Variants in SDK2 observed in about 807,000 individuals in gnomAD.
The protein encoded by SDK2 is protein sidekick-2.
A neutral mutation model predicts 253.9 loss-of-function variants in SDK2; 105 were observed. The ratio of observed to expected loss-of-function variants is 0.41; its 90% CI spans 0.35 to 0.49. SDK2 has a LOEUF of 0.49. SDK2 is among the 20% of genes least tolerant of loss of function. The pLI is 0.06. For synonymous variants in SDK2, 1,249 were observed against 1,234.9 expected, an observed-to-expected ratio of 1.01 and a Z score of -0.24; for missense variants, 2,608 against 3,003.0, an observed-to-expected ratio of 0.87 and a Z score of 3.07.
chr17:73,375,796 C>T (rs139377334), intron 36 of SDK2, among the ~76,000 whole-genome samples: 3,914 of 151,112 alleles, frequency 0.026, 78 homozygotes, highest in East Asian at 0.092. Context: ...GCAGAGGTTG[C>T]AGTGAGCCAA....
intron 1 of SDK2, among the ~76,000 whole-genome samples, chr17:73,566,291 A>ATT (rs1310899425): frequency 2.7e-5 from 4 of 150,646 alleles, no homozygotes; most frequent in African/African-American, 9.8e-5. Flanking sequence ...CTCCAGAACT[A>ATT]TAAGCCAAAT....
intron 5 of SDK2, among the ~76,000 whole-genome samples, chr17:73,441,614 G>A (rs566926000): frequency 1.4e-4 from 22 of 152,278 alleles, no homozygotes; most frequent in African/African-American, 3.1e-4. Flanking sequence ...GGCCACCACC[G>A]GAAGCCAGGA....
rs2145357335 is a variant in SDK2, at chr17:73,337,207, C to G, written c.*1380G>C. 1 of 152,476 alleles carries G rather than the reference C, an allele frequency of 6.6e-6. No individual in the cohort carries two copies. The highest frequency in any genetic ancestry group is 1.9e-4 in the East Asian group (1 of 5,170). 9.4% of individuals were successfully genotyped at this position (152,476 alleles called of 1,614,324 possible). The stretch of plus-strand genomic sequence containing the variant: ...CTTCCTGACCTGCCCCTTCCCCTCC[C>G]CGCCCTGGCCAGGCGGAGCCCAGCC... On this transcript the variant is annotated 3_prime_UTR_variant, in exon 45 of 45. Transcript: ENST00000392650.
intron 3 of SDK2, among the ~76,000 whole-genome samples, chr17:73,466,715 G>T (rs1872084): frequency 9.3e-6 from 1 of 107,024 alleles, no homozygotes; most frequent in African/African-American, 4.7e-5. Context: ...TCTGGGGAAC[G>T]CCCCCCCCCC....
intron 8 of SDK2, among the ~76,000 whole-genome samples, chr17:73,436,001 A>G (rs1842971273): frequency 6.6e-6 from 1 of 151,996 alleles, no homozygotes; most frequent in Admixed American, 6.5e-5. Context: ...CGTTCCTCCC[A>G]CCTCAGCCTC....
intron 1 of SDK2, among the ~76,000 whole-genome samples, chr17:73,530,334 G>A (rs1460998799): frequency 1.3e-5 from 2 of 151,974 alleles, no homozygotes; most frequent in Non-Finnish European, 2.9e-5. Flanking sequence ...ATGGTAGCAG[G>A]AGAGAGAGAG....
chr17:73,578,133 C>G (rs753643797), intron 1 of SDK2, among the ~76,000 whole-genome samples: 11 of 151,114 alleles, frequency 7.3e-5, no homozygotes, highest in Non-Finnish European at 1.3e-4. Context: ...GATCTCAGCT[C>G]ACTGCAACAT....
intron 3 of SDK2, among the ~76,000 whole-genome samples, chr17:73,460,073 C>T (rs1235591540): frequency 1.3e-5 from 2 of 152,178 alleles, no homozygotes; most frequent in Admixed American, 6.5e-5. Flanking sequence ...ATCTAGGGAC[C>T]TTGTGACTAT....
intron 5 of SDK2, among the ~76,000 whole-genome samples, chr17:73,446,228 G>A (rs1175761776): frequency 6.6e-6 from 1 of 152,108 alleles, no homozygotes; most frequent in Non-Finnish European, 1.5e-5. Context: ...AAAATATATG[G>A]GGAGAAGCAT....
chr17:73,420,892 T>A (rs1258467071), intron 15 of SDK2, among the ~76,000 whole-genome samples: 1 of 152,054 alleles, frequency 6.6e-6, no homozygotes, highest in African/African-American at 2.4e-5. Context: ...GCCAGGCTGG[T>A]CTCGAACTCC....
At chr17:73,384,960 C>T (rs1002741710) in intron 32 of SDK2, among the ~76,000 whole-genome samples, 6 of 152,232 alleles carry the variant, frequency 3.9e-5, no homozygotes, top group African/African-American at 1.4e-4. Flanking sequence ...TCGTCCCGGT[C>T]ACAGGTGCAC....
At chr17:73,374,804 GACTA>G (rs1167386949) in intron 36 of SDK2, among the ~76,000 whole-genome samples, 5 of 152,096 alleles carry the variant, frequency 3.3e-5, no homozygotes, top group African/African-American at 1.2e-4. Flanking sequence ...CTGCTGTTGG[GACTA>G]ACTGAGAGTG....
At position 73,541,091 on chromosome 17, in the gene SDK2, C is replaced by A. The variant is rs2044861643; in HGVS notation, c.65-33494G>T. 6.6e-6 allele frequency among the ~76,000 whole-genome samples: 1 copy of A among 152,218 alleles called. No individual in the cohort carries two copies. Among genetic ancestry groups the A allele is most frequent in the African/African-American group, 2.4e-5 (1 of 41,464 alleles). On this transcript the variant is annotated intron_variant, in intron 1 of 44. Transcript: ENST00000392650. The surrounding 1 kb of genome is among the most constrained non-coding windows in gnomAD (Gnocchi z 4.3). ...TAGGTGTCTGCCAGTGTCTGCCCAG[C>A]CCCTAACATGGGGCACCCCTCCCGC...
At position 73,358,064 on chromosome 17, in the gene SDK2, C is replaced by T; in HGVS notation, c.5593+15G>A. The T allele has an allele frequency of 1.2e-6, 2 of 1,612,770 alleles. No individual in the cohort carries two copies. Among genetic ancestry groups the T allele is most frequent in the Non-Finnish European group, 1.7e-6 (2 of 1,179,724 alleles). ...AATGAGCTGTGGGGTCTCAGCCCAG[C>T]AGGGCGGGGCGCACCTGAAGGTCTG... On this transcript the variant is annotated intron_variant, in intron 40 of 44. Transcript: ENST00000392650.
At chr17:73,632,128 G>A (rs1473282662) in intron 1 of SDK2, among the ~76,000 whole-genome samples, 2 of 152,270 alleles carry the variant, frequency 1.3e-5, no homozygotes, top group Admixed American at 6.5e-5. Flanking sequence ...CCATAGGCCA[G>A]CCATAGCAGA....
In SDK2 at chr17:73,414,765, G is replaced by A. The variant is rs2063166634; in HGVS notation, c.2369-6C>T. On this transcript the variant is annotated splice_region_variant and splice_polypyrimidine_tract_variant and intron_variant, in intron 17 of 44. Coordinates refer to ENST00000392650, the MANE Select transcript of SDK2 (RefSeq NM_001144952.2). ...GCCCGGAGGGACCGTGGGAACTAGA[G>A]GAGATGAGAGAACGGGGTGGGGTGG... The A allele has an allele frequency of 1.2e-6, 2 of 1,600,996 alleles. No homozygotes were observed. Among genetic ancestry groups the A allele is most frequent in the South Asian group, 1.1e-5 (1 of 90,818 alleles).
At chr17:73,347,233 G>A (rs1466187236) in intron 44 of SDK2, among the ~76,000 whole-genome samples, 1 of 152,178 alleles carries the variant, frequency 6.6e-6, no homozygotes, top group African/African-American at 2.4e-5. Context: ...GGTGGCACAT[G>A]CCTGTAATCC....
chr17:73,484,786 T>C (rs559437765), intron 2 of SDK2, among the ~76,000 whole-genome samples: 1 of 152,342 alleles, frequency 6.6e-6, no homozygotes, highest in South Asian at 2.1e-4. Flanking sequence ...CTGCCTTTAT[T>C]TGGTGTTCTC....
Position 73,627,774 on chromosome 17 carries a change from C to T in SDK2, c.64+16251G>A, listed in dbSNP as rs113864242. 3.3e-3 allele frequency among the ~76,000 whole-genome samples: 497 copies of T among 152,300 alleles called. 3 individuals carry two copies. The highest frequency in any genetic ancestry group is 5.4e-3 in the South Asian group (26 of 4,824). On this transcript the variant is annotated intron_variant, in intron 1 of 44. Transcript: ENST00000392650. ...TGTTTAAAACCCACATTTGGCCGGG[C>T]GCAGTGGCTCACACCTGTAATCCCA...
Sources: allele counts gnomAD v4.1 joint callset (sites outside exome capture counted in the v4.1 genomes callset), GRCh38; gene constraint gnomAD v4.1.1; non-coding constraint Gnocchi (gnomAD v3.1); transcripts MANE v1.5; gene names NCBI Gene and HGNC (gene_info 2026-07-23, HGNC 2026-07-21).